Variants in NARS2 observed in about 807,000 individuals in gnomAD.
NARS2 encodes the protein asparaginyl-tRNA synthetase.
In NARS2, 60 loss-of-function variants were observed where a neutral mutation model predicts 62.9. The ratio of observed to expected loss-of-function variants is 0.95; its 90% CI spans 0.77 to 1.18. The LOEUF (loss-of-function observed/expected upper bound fraction) is 1.18, where lower values mean the gene tolerates loss of function less well. Ranked by LOEUF, NARS2 falls within the 50% of genes most tolerant of loss-of-function variation. The pLI is 0.00. For missense variants in NARS2, 619 were observed against 576.4 expected (o/e 1.07, Z -0.76); for synonymous variants, 196 against 200.0 (o/e 0.98, Z 0.17).
chr11:78,474,054 AC>A (rs1414228348), intron 9 of NARS2, among the ~76,000 whole-genome samples: 2 of 152,142 alleles, frequency 1.3e-5, no homozygotes, highest in African/African-American at 4.8e-5. Flanking sequence ...CATTTCTAGC[AC>A]CTGGAACTTC....
At chr11:78,437,985 A>AG (rs1477675493) in intron 13 of NARS2, among the ~76,000 whole-genome samples, 244 of 141,572 alleles carry the variant, frequency 1.7e-3, no homozygotes, top group African/African-American at 4.8e-3. Flanking sequence ...AAAAAAAAAA[A>AG]AAAGAAAGAA....
chr11:78,513,048 G>A (rs925017269), intron 6 of NARS2, among the ~76,000 whole-genome samples: 5 of 152,162 alleles, frequency 3.3e-5, no homozygotes, highest in African/African-American at 1.2e-4. Context: ...TCAGGAGTTT[G>A]AGGCCACCCT....
chr11:78,448,032 CTA>C (rs72343413), intron 11 of NARS2, among the ~76,000 whole-genome samples: 34,044 of 151,844 alleles, frequency 0.22, 4,132 homozygotes, highest in East Asian at 0.41. Flanking sequence ...TTTAAAATAA[CTA>C]AGAGTAAATT....
chr11:78,546,260 AAT>A (rs1855870848), intron 5 of NARS2, among the ~76,000 whole-genome samples: 2 of 152,206 alleles, frequency 1.3e-5, no homozygotes, highest in African/African-American at 4.8e-5. Context: ...TTCCCACACA[AAT>A]AGTTTGAGGT....
intron 6 of NARS2, 142 bp downstream of exon 6, chr11:78,528,700 G>A (rs1861380081): frequency 1.6e-6 from 1 of 618,460 alleles, no homozygotes; most frequent in South Asian, 1.9e-5. Context: ...TGTACTACAA[G>A]TAAGAAGCTT....
intron 4 of NARS2, among the ~76,000 whole-genome samples, chr11:78,563,215 A>AT (rs71046983): frequency 0.63 from 72,957 of 115,624 alleles, 25,865 homozygotes; most frequent in Non-Finnish European, 0.77. Flanking sequence ...AACCACTTGA[A>AT]TTTTTTTTTT....
chr11:78,555,010 G>A (rs889875056), intron 5 of NARS2, among the ~76,000 whole-genome samples: 3 of 151,964 alleles, frequency 2.0e-5, no homozygotes, highest in African/African-American at 7.2e-5. Context: ...TTCTGCATTA[G>A]TTCTATTTAT....
chr11:78,521,436 G>C (rs1466842512), intron 6 of NARS2, among the ~76,000 whole-genome samples: 1 of 152,080 alleles, frequency 6.6e-6, no homozygotes, highest in African/African-American at 2.4e-5. Context: ...GCCTCTCAAA[G>C]TGTTGAGATT....
chr11:78,500,998 A>G (rs1161132258), intron 6 of NARS2, among the ~76,000 whole-genome samples: 13 of 152,144 alleles, frequency 8.5e-5, no homozygotes, highest in Non-Finnish European at 4.4e-5. Context: ...AGGCTGAAGC[A>G]GGAGGATTGA....
chr11:78,470,095 G>A (rs770792314), intron 9 of NARS2, among the ~76,000 whole-genome samples: 8 of 152,108 alleles, frequency 5.3e-5, no homozygotes, highest in Non-Finnish European at 1.2e-4. Context: ...TGAACAAGAG[G>A]AAGAATGCAC....
intron 5 of NARS2, among the ~76,000 whole-genome samples, chr11:78,550,412 G>C (rs1856055662): frequency 6.6e-6 from 1 of 151,980 alleles, no homozygotes; most frequent in Non-Finnish European, 1.5e-5. Flanking sequence ...TAAAACCTCA[G>C]GTCAGCTCAT....
At position 78,561,784 on chromosome 11, in the gene NARS2, G is replaced by C. The variant is rs1184699175; in HGVS notation, c.514-2165C>G. 3.3e-5 allele frequency among the ~76,000 whole-genome samples: 5 copies of C among 152,334 alleles called. No individual in the cohort carries two copies. In the South Asian group the frequency reaches 1.0e-3, roughly 32 times the overall value. ...TTTTAAAATTCCATAAAGAGGCCAG[G>C]AGCAGTGTCTCACGCCTGTAATCCC... On this transcript the variant is annotated intron_variant, in intron 4 of 13. Coordinates refer to ENST00000281038, the MANE Select transcript of NARS2 (RefSeq NM_024678.6).
chr11:78,463,811 C>T (rs958691557), intron 11 of NARS2, among the ~76,000 whole-genome samples: 1 of 149,774 alleles, frequency 6.7e-6, no homozygotes, highest in African/African-American at 2.5e-5. Flanking sequence ...CAGACAAGAG[C>T]TGAGACAGGG....
chr11:78,547,858 C>T (rs906596061), intron 5 of NARS2, among the ~76,000 whole-genome samples: 1 of 150,782 alleles, frequency 6.6e-6, no homozygotes. Flanking sequence ...CTAAAAGGAA[C>T]TTACCATCTA....
At chr11:78,505,167 T>C (rs1297091739) in intron 6 of NARS2, among the ~76,000 whole-genome samples, 2 of 151,668 alleles carry the variant, frequency 1.3e-5, no homozygotes, top group African/African-American at 4.8e-5. Context: ...TGTCTGTAGT[T>C]CCAACAGTTT....
At chr11:78,521,315 C>A (rs1481724496) in intron 6 of NARS2, among the ~76,000 whole-genome samples, 1 of 152,032 alleles carries the variant, frequency 6.6e-6, no homozygotes, top group East Asian at 2.0e-4. Flanking sequence ...CAGGCACATG[C>A]CACCATGCTT....
intron 13 of NARS2, among the ~76,000 whole-genome samples, chr11:78,440,370 A>G (rs1230637170): frequency 6.8e-6 from 1 of 147,272 alleles, no homozygotes. Flanking sequence ...GGCCGAGCCA[A>G]GCATTTTGAT....
Position 78,574,652 on chromosome 11 carries a change from GCT to G in NARS2, c.-166_-165del, listed in dbSNP as rs1396128806. On this transcript the variant is annotated 5_prime_UTR_variant, in exon 1 of 14. Coordinates refer to ENST00000281038, the MANE Select transcript of NARS2 (RefSeq NM_024678.6). Reference sequence around the variant, plus strand: ...CGCGCTTTCTCCTTCAGGACTCCCAGCTCTGTCCCCACAGAACCTCTCCGCTT... The same window carrying G: ...CGCGCTTTCTCCTTCAGGACTCCCAGCTGTCCCCACAGAACCTCTCCGCTT... 5 of 707,948 alleles carry G rather than the reference GCT, an allele frequency of 7.1e-6. No homozygotes were observed. The highest frequency in any genetic ancestry group is 1.1e-5 in the Non-Finnish European group (5 of 438,250). The allele number at this position is 707,948 out of a possible 1,614,324, so 43.9% of individuals were successfully genotyped here. A position where few individuals can be genotyped will look rare whatever the true frequency, so the allele number is the denominator to read the frequency against.
Position 78,503,760 on chromosome 11 carries a change from C to G in NARS2, c.690-10565G>C, listed in dbSNP as rs374952257. The stretch of plus-strand genomic sequence containing the variant: ...TCAAAAAGTAGAAATAGGCAAACTG[C>G]TTTTACAGAAGGAGTTAGCCTATAG... On this transcript the variant is annotated intron_variant, in intron 6 of 13. Transcript: ENST00000281038. Among the ~76,000 whole-genome samples, 8 of 152,108 alleles carry G rather than the reference C, an allele frequency of 5.3e-5. No homozygotes were observed. In the East Asian group the frequency reaches 9.6e-4, roughly 18 times the overall value.
Sources: allele counts gnomAD v4.1 joint callset (sites outside exome capture counted in the v4.1 genomes callset), GRCh38; gene constraint gnomAD v4.1.1; transcripts MANE v1.5; gene names NCBI Gene and HGNC (gene_info 2026-07-23, HGNC 2026-07-21).